Variants in BIRC6 observed in about 807,000 individuals in gnomAD.
BIRC6 encodes the protein dual E2 ubiquitin-conjugating enzyme/E3 ubiquitin-protein ligase BIRC6.
In BIRC6, 98 loss-of-function variants were observed where a neutral mutation model predicts 503.3. That is an observed-to-expected ratio of 0.19 (90% CI 0.17 to 0.23). The LOEUF (loss-of-function observed/expected upper bound fraction) is 0.23, where lower values mean the gene tolerates loss of function less well. Among genes scored for constraint, BIRC6 ranks in the 10% least tolerant of loss-of-function variants. BIRC6 has a pLI of 1.00. For missense variants in BIRC6, 5,360 were observed against 5,806.0 expected, an observed-to-expected ratio of 0.92 and a Z score of 2.50; for synonymous variants, 2,240 against 2,078.7, an observed-to-expected ratio of 1.08 and a Z score of -2.11.
At position 32,357,546 on chromosome 2, in the gene BIRC6, G is replaced by A; in HGVS notation, c.325+60G>A. 9 of 1,509,750 alleles carry A rather than the reference G, an allele frequency of 6.0e-6. No individual in the cohort carries two copies. Among genetic ancestry groups the A allele is most frequent in the Non-Finnish European group, 7.9e-6 (9 of 1,132,382 alleles). The allele number at this position is 1,509,750 out of a possible 1,614,324, so 93.5% of individuals were successfully genotyped here. On this transcript the variant is annotated intron_variant, in intron 1 of 73. Coordinates refer to ENST00000421745, the MANE Select transcript of BIRC6 (RefSeq NM_016252.4). The surrounding 1 kb of genome is among the most constrained non-coding windows in gnomAD (Gnocchi z 4.9). ...GGGGAAAGAAGCCGTCCAGCCCCGG[G>A]GCTCGGCCTCGCGACTCGGGGAAGC...
intron 4 of BIRC6, among the ~76,000 whole-genome samples, chr2:32,391,721 T>TA (rs1029800780): frequency 1.4e-4 from 22 of 152,360 alleles, no homozygotes; most frequent in African/African-American, 4.6e-4. Context: ...TATCGTCCTT[T>TA]AAAAAATTAC....
intron 65 of BIRC6, among the ~76,000 whole-genome samples, chr2:32,567,051 A>G (rs1573055524): frequency 6.6e-6 from 1 of 152,090 alleles, no homozygotes; most frequent in African/African-American, 2.4e-5. Context: ...GCTCACTGCA[A>G]CCTCTGCCTC....
intron 2 of BIRC6, among the ~76,000 whole-genome samples, chr2:32,378,365 G>C (rs1157243550): frequency 1.3e-5 from 2 of 151,894 alleles, no homozygotes; most frequent in African/African-American, 4.8e-5. Context: ...ACCACACCAA[G>C]CTGAGAGGGA....
At chr2:32,482,081 G>A (rs1438944993) in intron 38 of BIRC6, among the ~76,000 whole-genome samples, 1 of 152,062 alleles carries the variant, frequency 6.6e-6, no homozygotes, top group African/African-American at 2.4e-5. Context: ...AACTTCATCC[G>A]AGCTGTGTTC....
chr2:32,531,649 A>G, intron 61 of BIRC6, 98 bp downstream of exon 61: 6 of 1,075,460 alleles, frequency 5.6e-6, no homozygotes, highest in Non-Finnish European at 6.6e-6. Context: ...AACTTTGTAG[A>G]AATACCCTTT....
intron 36 of BIRC6, 55 bp from the exon 37 acceptor site, chr2:32,479,407 T>A: frequency 6.7e-7 from 1 of 1,487,258 alleles, no homozygotes; most frequent in Non-Finnish European, 9.2e-7. Context: ...TGTGCTGTAA[T>A]ACATTTTCGA....
Position 32,508,276 on chromosome 2 carries a change from C to CTTTTTTTTT in BIRC6, c.9980+36_9980+44dup, listed in dbSNP as rs10528992. On this transcript the variant is annotated intron_variant, in intron 51 of 73. Transcript: ENST00000421745. ...CAAAACAAGGTATGTTTTGTTTGTC[C>CTTTTTTTTT]TTTTTTTTTTTTTTTTTTTTTTTTT... is the stretch of plus-strand genomic sequence containing the variant. 245 of 864,730 alleles carry CTTTTTTTTT rather than the reference C, an allele frequency of 2.8e-4. 14 individuals are homozygous for CTTTTTTTTT. In the African/African-American group the frequency reaches 3.7e-3, roughly 13 times the overall value. The allele number at this position is 864,730 out of a possible 1,614,324, so 53.6% of individuals were successfully genotyped here.
intron 66 of BIRC6, among the ~76,000 whole-genome samples, chr2:32,584,027 C>T (rs766210402): frequency 3.8e-4 from 58 of 152,210 alleles, no homozygotes; most frequent in Admixed American, 1.3e-3. Flanking sequence ...CCACCTTGCC[C>T]GGCCTGTAAA....
intron 66 of BIRC6, among the ~76,000 whole-genome samples, chr2:32,579,053 T>TAG: frequency 6.9e-6 from 1 of 144,874 alleles, no homozygotes; most frequent in African/African-American, 2.5e-5. Flanking sequence ...ACCTAATATA[T>TAG]ATATGTATAC....
At chr2:32,443,840 T>G (rs538907017) in intron 20 of BIRC6, among the ~76,000 whole-genome samples, 1 of 152,344 alleles carries the variant, frequency 6.6e-6, no homozygotes, top group East Asian at 1.9e-4. Context: ...TTTTCTGTAC[T>G]TCATTACAAT....
chr2:32,418,889 A>G (rs1002425782), intron 10 of BIRC6, among the ~76,000 whole-genome samples: 1 of 152,212 alleles, frequency 6.6e-6, no homozygotes, highest in Non-Finnish European at 1.5e-5. Flanking sequence ...AGAAGGTTGC[A>G]GTGAGCTGAG....
intron 2 of BIRC6, among the ~76,000 whole-genome samples, chr2:32,379,805 T>G (rs2037359597): frequency 6.6e-6 from 1 of 152,224 alleles, no homozygotes; most frequent in African/African-American, 2.4e-5. Context: ...TATTTAAAGC[T>G]CATTGGAGGA....
chr2:32,508,395 A>G, intron 51 of BIRC6, 136 bp downstream of exon 51: 1 of 1,169,948 alleles, frequency 8.5e-7, no homozygotes, highest in Non-Finnish European at 1.1e-6. Context: ...TATCTGTATA[A>G]TACAATTTTA....
At chr2:32,390,577 G>A (rs1573872687) in intron 4 of BIRC6, among the ~76,000 whole-genome samples, 1 of 151,970 alleles carries the variant, frequency 6.6e-6, no homozygotes, top group African/African-American at 2.4e-5. Flanking sequence ...TGGCCTCCTA[G>A]AGTGCTGGGA....
chr2:32,445,429 G>A, intron 20 of BIRC6, 92 bp from the exon 21 acceptor site: 3 of 1,235,994 alleles, frequency 2.4e-6, no homozygotes, highest in Non-Finnish European at 3.3e-6. Flanking sequence ...TCTAGCAAAA[G>A]GAAGTATTCT....
At position 32,463,218 on chromosome 2, in the gene BIRC6, C is replaced by T; in HGVS notation, c.4778C>T (p.Ala1593Val). 4.3e-6 allele frequency: 7 copies of T among 1,612,800 alleles called. No homozygotes were observed. Among genetic ancestry groups the T allele is most frequent in the Non-Finnish European group, 5.9e-6 (7 of 1,179,400 alleles). ...DAMSSFGVTP[A>V]VGGLSSGTVG... ...GTGAGTTCCTTCGGGGTTACTCCTGCAGTAGGTGGACTATCATCTGGGACA... is the reference window on the plus strand; with the variant it reads ...GTGAGTTCCTTCGGGGTTACTCCTGTAGTAGGTGGACTATCATCTGGGACA... Residue 1593 changes from alanine (A) to valine (V), a missense_variant, in exon 24 of 74, where the codon GCA (alanine) becomes GTA (valine). Ala to Val is a moderately conservative substitution (Grantham distance 64, BLOSUM62 0). Around this residue, in one of 16 missense-constraint regions of BIRC6, gnomAD observed 2,299 missense variants for 2,267.2 expected, o/e 1.01. Coordinates refer to ENST00000421745, the MANE Select transcript of BIRC6 (RefSeq NM_016252.4).
chr2:32,554,084 T>C (rs1411229627), intron 65 of BIRC6, among the ~76,000 whole-genome samples: 1 of 152,210 alleles, frequency 6.6e-6, no homozygotes, highest in Non-Finnish European at 1.5e-5. Context: ...TTTGGTAATA[T>C]TCACATGTTA....
At chr2:32,422,280 A>G (rs1380585846) in intron 10 of BIRC6, among the ~76,000 whole-genome samples, 1 of 152,166 alleles carries the variant, frequency 6.6e-6, no homozygotes, top group African/African-American at 2.4e-5. Context: ...GCTTAAGGTA[A>G]TTATTGCTAT....
rs59912267 is a variant in BIRC6 at position 32,377,213 on chromosome 2, A to ATGTGTGTG, written c.326-345_326-338dup. On this transcript the variant is annotated intron_variant, in intron 1 of 73. Transcript: ENST00000421745. ...TTTGCTTATTATTCCCTTAATATATATGTGTGTGTGTGTGTGTGTGTGTGT... is the reference window on the plus strand; with the variant it reads ...TTTGCTTATTATTCCCTTAATATATATGTGTGTGTGTGTGTGTGTGTGTGTGTGTGTGT... Among the ~76,000 whole-genome samples, 270 of 144,256 alleles carry ATGTGTGTG rather than the reference A, an allele frequency of 1.9e-3. 1 individual carries two copies. The highest frequency in any genetic ancestry group is 7.0e-3 in the Middle Eastern group (2 of 286). The allele number at this position is 144,256 out of a possible 152,430, so 94.6% of individuals were successfully genotyped here.
Sources: gnomAD v4.1 joint callset for allele counts (sites outside exome capture counted in the v4.1 genomes callset) on GRCh38, gnomAD v4.1.1 for gene constraint, gnomAD v4.1.1 regional missense constraint, Gnocchi (gnomAD v3.1) non-coding constraint, MANE v1.5 for transcripts, NCBI Gene and HGNC (gene_info 2026-07-23, HGNC 2026-07-21) for gene names.